Variants in XRN1 observed in about 807,000 individuals in gnomAD.
XRN1 encodes 5'-3' exoribonuclease 1.
In XRN1, 67 loss-of-function variants were observed where a neutral mutation model predicts 222.3. That is an observed-to-expected ratio of 0.30 (90% CI 0.25 to 0.37). The LOEUF (loss-of-function observed/expected upper bound fraction) is 0.37, where lower values mean the gene tolerates loss of function less well. Ranked by LOEUF, XRN1 falls within the 10% of genes least tolerant of loss-of-function variation. XRN1 has a pLI of 1.00. For missense variants in XRN1, 1,707 were observed against 2,000.2 expected, an observed-to-expected ratio of 0.85 and a Z score of 2.80; for synonymous variants, 643 against 652.4, an observed-to-expected ratio of 0.99 and a Z score of 0.22.
At chr3:142,389,477 A>C (rs146892703) in intron 20 of XRN1, among the ~76,000 whole-genome samples, 2 of 152,180 alleles carry the variant, frequency 1.3e-5, no homozygotes, top group Non-Finnish European at 2.9e-5. Context: ...AATGGCATCT[A>C]TAATAGTGAA....
intron 14 of XRN1, among the ~76,000 whole-genome samples, chr3:142,413,157 A>G (rs2068652384): frequency 6.6e-6 from 1 of 152,230 alleles, no homozygotes; most frequent in Non-Finnish European, 1.5e-5. Context: ...CACCACTAAT[A>G]TCAAAGAGAA....
chr3:142,404,102 A>G (rs2068249017), intron 16 of XRN1, 113 bp from the exon 17 acceptor site: 3 of 914,962 alleles, frequency 3.3e-6, no homozygotes, highest in Non-Finnish European at 4.8e-6. Context: ...TAAAGAAGAG[A>G]ATGACAATTA....
chr3:142,368,047 T>C (rs1207875052), intron 27 of XRN1, among the ~76,000 whole-genome samples: 1 of 150,480 alleles, frequency 6.6e-6, no homozygotes, highest in African/African-American at 2.4e-5. Context: ...ATATATATGA[T>C]TATATATAAT....
chr3:142,321,856 A>AT (rs1383798900), intron 37 of XRN1, among the ~76,000 whole-genome samples: 3 of 152,034 alleles, frequency 2.0e-5, no homozygotes, highest in Admixed American at 6.6e-5. Context: ...ATTAGTTGGG[A>AT]TTTTTTGTGG....
At chr3:142,396,434 G>A (rs2067934683) in intron 20 of XRN1, among the ~76,000 whole-genome samples, 1 of 152,148 alleles carries the variant, frequency 6.6e-6, no homozygotes, top group East Asian at 1.9e-4. Context: ...ATACAAGTAA[G>A]TTTATTATGG....
intron 14 of XRN1, 54 bp from the exon 15 acceptor site, chr3:142,412,717 T>C (rs1273687200): frequency 1.5e-6 from 2 of 1,301,990 alleles, no homozygotes; most frequent in South Asian, 2.0e-5. Context: ...ATCAATATAG[T>C]TTTTTGTTAA....
chr3:142,335,529 A>C lies in XRN1; in HGVS notation c.3878-20T>G. 4 of 1,601,288 alleles carry C rather than the reference A, an allele frequency of 2.5e-6. No individual in the cohort carries two copies. The highest frequency in any genetic ancestry group is 3.4e-6 in the Non-Finnish European group (4 of 1,170,702). On this transcript the variant is annotated intron_variant, in intron 33 of 40. Transcript: ENST00000392981. Reference sequence around the variant, plus strand: ...CTTTAACTAGAGACAAGAAAACAGAAATTTTCATAAATGGAAGTGTTTACT... The same window carrying C: ...CTTTAACTAGAGACAAGAAAACAGACATTTTCATAAATGGAAGTGTTTACT...
rs757821050 is a variant in XRN1 at position 142,421,465 on chromosome 3, T to C, written c.1035+11A>G. The C allele has an allele frequency of 1.3e-6, 2 of 1,595,940 alleles. No individual in the cohort carries two copies. The highest frequency in any genetic ancestry group is 4.5e-5 in the East Asian group (2 of 44,198). ...TCTGCGACAGGAAACCAAAAATTTCTAGTTACTTACATCTGATAGTTTCAC... is the reference window on the plus strand; with the variant it reads ...TCTGCGACAGGAAACCAAAAATTTCCAGTTACTTACATCTGATAGTTTCAC... On this transcript the variant is annotated intron_variant, in intron 9 of 40. Coordinates refer to ENST00000392981, the MANE Select transcript of XRN1 (RefSeq NM_001282857.2).
chr3:142,355,285 T>C (rs912537719), intron 32 of XRN1, 116 bp downstream of exon 32: 45 of 512,642 alleles, frequency 8.8e-5, no homozygotes, highest in African/African-American at 7.5e-4. Context: ...ATGATCAAAA[T>C]TGTCATTTTC....
At chr3:142,386,240 G>A (rs2107954777) in intron 20 of XRN1, among the ~76,000 whole-genome samples, 1 of 151,856 alleles carries the variant, frequency 6.6e-6, no homozygotes, top group Non-Finnish European at 1.5e-5. Context: ...TTATAATTAT[G>A]GGCCAGTATT....
rs931616616 is a variant in XRN1, at chr3:142,311,226, C to A, written c.*285G>T. ...GTGGTACATTTTAATGTTTAGTCCA[C>A]TGATACTGTGATATTATTTTAATGC... On this transcript the variant is annotated 3_prime_UTR_variant, in exon 41 of 41. Transcript: ENST00000392981. 8.5e-5 allele frequency: 19 copies of A among 223,568 alleles called. No homozygotes were observed. The highest frequency in any genetic ancestry group is 1.6e-4 in the Non-Finnish European group (18 of 113,134). 13.8% of individuals were successfully genotyped at this position (223,568 alleles called of 1,614,324 possible). A position where few individuals can be genotyped will look rare whatever the true frequency, so the allele number is the denominator to read the frequency against.
At chr3:142,355,259 AAG>A (rs920337736) in intron 32 of XRN1, 140 bp downstream of exon 32, 109 of 464,912 alleles carry the variant, frequency 2.3e-4, no homozygotes, top group African/African-American at 1.6e-3. Flanking sequence ...TATTTAAAAA[AAG>A]AAAAAGAAAA....
Position 142,448,032 on chromosome 3 carries a change from G to T in XRN1, c.-88C>A. The T allele has an allele frequency of 7.0e-7, 1 of 1,419,836 alleles. No homozygotes were observed. Among genetic ancestry groups the T allele is most frequent in the Non-Finnish European group, 9.8e-7 (1 of 1,016,580 alleles). 88.0% of individuals were successfully genotyped at this position (1,419,836 alleles called of 1,614,324 possible). A position where few individuals can be genotyped will look rare whatever the true frequency, so the allele number is the denominator to read the frequency against. ...CGCCGCAGCCTCCGGTCGTCGCTCC[G>T]CGGATGACAACACACCGCCCGGCCG... is the stretch of plus-strand genomic sequence containing the variant. On this transcript the variant is annotated 5_prime_UTR_variant, in exon 1 of 41. Coordinates refer to ENST00000392981, the MANE Select transcript of XRN1 (RefSeq NM_001282857.2).
rs1158364549 is a variant in XRN1 at position 142,447,541 on chromosome 3, C to A, written c.75+329G>T. 6.6e-6 allele frequency among the ~76,000 whole-genome samples: 1 copy of A among 152,212 alleles called. No individual in the cohort carries two copies. Among genetic ancestry groups the A allele is most frequent in the Non-Finnish European group, 1.5e-5 (1 of 68,032 alleles). On this transcript the variant is annotated intron_variant, in intron 1 of 40. Transcript: ENST00000392981. This position sits in a 1 kb window ranked among gnomAD's most constrained non-coding sequence, Gnocchi z 4.2. ...TTCGCAGCCTCTGTAAGGAAAAAGG[C>A]AACTTGCAGCTCCCCGGGAGGAAAC...
rs141169828 is a variant in XRN1 at position 142,439,973 on chromosome 3, C to T, written c.76-7080G>A. 1.5e-3 allele frequency among the ~76,000 whole-genome samples: 222 copies of T among 152,230 alleles called. 1 individual carries two copies. The highest frequency in any genetic ancestry group is 5.1e-3 in the African/African-American group (212 of 41,516). ...CTGGAAGGCCCACTACCTCAGGAGA[C>T]GAAGGTCCTCTGAGACGAAGGTCTC... On this transcript the variant is annotated intron_variant, in intron 1 of 40. Transcript: ENST00000392981.
Position 142,318,483 on chromosome 3 carries a change from C to G in XRN1, c.4621+109G>C, listed in dbSNP as rs2065264646. 8 of 1,053,634 alleles carry G rather than the reference C, an allele frequency of 7.6e-6. No homozygotes were observed. The Admixed American group carries it at 1.2e-4, about 16-fold the overall frequency. 65.3% of individuals were successfully genotyped at this position (1,053,634 alleles called of 1,614,324 possible). ...CAGGCTGTGGCTTTAGGCTTTCTCA[C>G]AATTTCTTCTTACATTCCTAGATAT... On this transcript the variant is annotated intron_variant, in intron 39 of 40. Coordinates refer to ENST00000392981, the MANE Select transcript of XRN1 (RefSeq NM_001282857.2).
intron 15 of XRN1, among the ~76,000 whole-genome samples, chr3:142,407,089 T>C (rs1187654129): frequency 6.6e-6 from 1 of 152,156 alleles, no homozygotes; most frequent in Non-Finnish European, 1.5e-5. Context: ...CGTAAGTATA[T>C]CTCAGCACAG....
intron 37 of XRN1, among the ~76,000 whole-genome samples, chr3:142,324,941 C>T (rs2065476527): frequency 6.6e-6 from 1 of 152,122 alleles, no homozygotes. Flanking sequence ...TATACACACA[C>T]ATCTTCTTCA....
At position 142,426,847 on chromosome 3, in the gene XRN1, AGG is replaced by A. The variant is rs1337225245; in HGVS notation, c.309-8_309-7del. On this transcript the variant is annotated splice_region_variant and splice_polypyrimidine_tract_variant and intron_variant, in intron 2 of 40. Transcript: ENST00000392981. ...CTTCTGCCTCCTTTGCTGACCTTAA[AGG>A]TTAAGGGAAAAAAGTACCTTAAGTT... The A allele has an allele frequency of 6.2e-7, 1 of 1,611,000 alleles. No individual in the cohort carries two copies. Among genetic ancestry groups the A allele is most frequent in the East Asian group, 2.2e-5 (1 of 44,828 alleles).
Sources: allele counts gnomAD v4.1 joint callset (sites outside exome capture counted in the v4.1 genomes callset), GRCh38; gene constraint gnomAD v4.1.1; non-coding constraint Gnocchi (gnomAD v3.1); transcripts MANE v1.5; gene names NCBI Gene and HGNC (gene_info 2026-07-23, HGNC 2026-07-21).